Variants in ARHGEF12 observed in about 807,000 individuals in gnomAD.
ARHGEF12 encodes the protein KMT2A/ARHGEF12 fusion protein.
In ARHGEF12, 66 loss-of-function variants were observed where a neutral mutation model predicts 211.2. That is an observed-to-expected ratio of 0.31 (90% CI 0.26 to 0.38). ARHGEF12 has a LOEUF of 0.38. ARHGEF12 is among the 10% of genes least tolerant of loss of function. ARHGEF12 has a pLI of 1.00. For missense variants in ARHGEF12, 1,429 were observed against 1,869.5 expected (o/e 0.76, Z 4.34); for synonymous variants, 592 against 638.4 (o/e 0.93, Z 1.09).
In ARHGEF12 at chr11:120,453,189, C is replaced by T. The variant is rs1185897127; in HGVS notation, c.2056+1465C>T. Among the ~76,000 whole-genome samples, 3 of 151,968 alleles carry T rather than the reference C, an allele frequency of 2.0e-5. No individual in the cohort carries two copies. The East Asian group carries it at 5.8e-4, about 29-fold the overall frequency. On this transcript the variant is annotated intron_variant, in intron 22 of 40. Transcript: ENST00000397843. ...GGAATAGGCAGGTTTCTACATAAGG[C>T]CAAGAAGTACAAGTGACATTTGGAG...
intron 1 of ARHGEF12, among the ~76,000 whole-genome samples, chr11:120,379,215 A>T (rs1198118173): frequency 2.0e-5 from 3 of 152,162 alleles, no homozygotes; most frequent in Admixed American, 6.5e-5. Context: ...ATTTAAAATT[A>T]ATTTTTAATT....
intron 1 of ARHGEF12, among the ~76,000 whole-genome samples, chr11:120,347,136 C>CTTTCTTTCT (rs1942760405): frequency 1.4e-5 from 1 of 69,184 alleles, no homozygotes; most frequent in Non-Finnish European, 3.0e-5. Context: ...TCTTTCTTTC[C>CTTTCTTTCT]TTCCTTCCTT....
In ARHGEF12 at chr11:120,489,815, A is replaced by G. The variant is rs1947486697; in HGVS notation, c.*4738A>G. ...TTTACAAACATATATCTATATCTAT[A>G]TATATAGATACAGATACAGATACAT... On this transcript the variant is annotated 3_prime_UTR_variant, in exon 41 of 41. Transcript: ENST00000397843. 5.3e-6 allele frequency: 1 copy of G among 187,412 alleles called. No individual in the cohort carries two copies. The highest frequency in any genetic ancestry group is 6.2e-5 in the Admixed American group (1 of 16,106). 11.6% of individuals were successfully genotyped at this position (187,412 alleles called of 1,614,324 possible). A position where few individuals can be genotyped will look rare whatever the true frequency, so the allele number is the denominator to read the frequency against.
chr11:120,466,713 G>A (rs1946715350), intron 28 of ARHGEF12, among the ~76,000 whole-genome samples: 1 of 152,176 alleles, frequency 6.6e-6, no homozygotes, highest in African/African-American at 2.4e-5. Flanking sequence ...TATATGGCCT[G>A]CAAAGCCTAA....
Position 120,480,187 on chromosome 11 carries a change from A to G in ARHGEF12, c.3994A>G (p.Thr1332Ala). 6.2e-7 allele frequency: 1 copy of G among 1,614,240 alleles called. No homozygotes were observed. The highest frequency in any genetic ancestry group is 1.1e-5 in the South Asian group (1 of 91,080). The change falls in exon 38 of 41, where the codon ACT becomes GCT. Residue 1332 changes from threonine to alanine, a missense_variant. Around this residue, in one of 7 missense-constraint regions of ARHGEF12, gnomAD observed 467 missense variants for 468.4 expected, o/e 1.00. Coordinates refer to ENST00000397843, the MANE Select transcript of ARHGEF12 (RefSeq NM_015313.3). ...AACTTGTTACAGTCCACGGACTTCAACTGAATCTTTTGCTCCACGGGATTC... is the reference window on the plus strand; with the variant it reads ...AACTTGTTACAGTCCACGGACTTCAGCTGAATCTTTTGCTCCACGGGATTC... Reference protein sequence around the residue: ...IATCYSPRTSTESFAPRDSVG... With the variant: ...IATCYSPRTSAESFAPRDSVG...
chr11:120,417,170 C>A (rs564173198), intron 4 of ARHGEF12, among the ~76,000 whole-genome samples: 10 of 151,994 alleles, frequency 6.6e-5, no homozygotes, highest in African/African-American at 1.4e-4. Flanking sequence ...CTCCAAATAC[C>A]CGTTTCCCTC....
At chr11:120,374,453 G>T (rs1050430802) in intron 1 of ARHGEF12, among the ~76,000 whole-genome samples, 10 of 152,180 alleles carry the variant, frequency 6.6e-5, no homozygotes, top group Non-Finnish European at 1.5e-4. Flanking sequence ...GGCTAAATAT[G>T]TGTGTGAACA....
At chr11:120,479,311 G>C (rs1035860999) in intron 37 of ARHGEF12, among the ~76,000 whole-genome samples, 5 of 152,174 alleles carry the variant, frequency 3.3e-5, no homozygotes, top group African/African-American at 9.7e-5. Flanking sequence ...GATGAGAGCA[G>C]AGAATTGGTT....
At chr11:120,471,192 G>A (rs559013305) in intron 30 of ARHGEF12, among the ~76,000 whole-genome samples, 37 of 152,218 alleles carry the variant, frequency 2.4e-4, no homozygotes, top group South Asian at 1.9e-3. Flanking sequence ...TCATAATAGC[G>A]AAAAGCTAGA....
intron 1 of ARHGEF12, among the ~76,000 whole-genome samples, chr11:120,401,388 G>C (rs1327654509): frequency 2.0e-5 from 3 of 152,254 alleles, no homozygotes; most frequent in African/African-American, 7.2e-5. Flanking sequence ...ATACTTAAGA[G>C]CTCTTATGTA....
At chr11:120,429,617 A>T (rs1249329940) in intron 9 of ARHGEF12, 95 bp from the exon 10 acceptor site, 1 of 1,557,984 alleles carries the variant, frequency 6.4e-7, no homozygotes, top group African/African-American at 1.4e-5. Flanking sequence ...CATTGTAACC[A>T]ATGCCATTAG....
chr11:120,406,927 A>G (rs1013840511), intron 2 of ARHGEF12, among the ~76,000 whole-genome samples: 2 of 152,196 alleles, frequency 1.3e-5, no homozygotes, highest in Non-Finnish European at 2.9e-5. Flanking sequence ...GCCTATATCC[A>G]TGTCTATATA....
intron 33 of ARHGEF12, 94 bp from the exon 34 acceptor site, chr11:120,476,567 A>G (rs1947038394): frequency 1.4e-6 from 1 of 734,522 alleles, no homozygotes; most frequent in Non-Finnish European, 2.2e-6. Context: ...ACCTTTATCT[A>G]GTTTAAGGGG....
chr11:120,455,185 A>T (rs926574739), intron 22 of ARHGEF12, among the ~76,000 whole-genome samples: 2 of 152,228 alleles, frequency 1.3e-5, no homozygotes, highest in African/African-American at 4.8e-5. Flanking sequence ...AGCTGAGGAC[A>T]TGGAGAAGAG....
intron 20 of ARHGEF12, 76 bp from the exon 21 acceptor site, chr11:120,449,033 T>G: frequency 8.3e-7 from 1 of 1,200,928 alleles, no homozygotes; most frequent in South Asian, 1.4e-5. Context: ...GAACTAACCA[T>G]TAGCATTACA....
chr11:120,421,858 G>A lies in ARHGEF12; in HGVS notation c.348+6G>A, dbSNP rs753146119. The A allele has an allele frequency of 6.8e-6, 11 of 1,609,082 alleles. No homozygotes were observed. The South Asian group carries it at 1.0e-4, about 15-fold the overall frequency. Reference sequence around the variant, plus strand: ...CAGGTGATCGAATCATCAAGGTAAGGAATAGGCTATTATAGAATTTACGGT... The same window carrying A: ...CAGGTGATCGAATCATCAAGGTAAGAAATAGGCTATTATAGAATTTACGGT... On this transcript the variant is annotated splice_donor_region_variant and intron_variant, in intron 6 of 40. Transcript: ENST00000397843.
chr11:120,406,614 A>G (rs1487708493), intron 2 of ARHGEF12, among the ~76,000 whole-genome samples: 2 of 152,078 alleles, frequency 1.3e-5, no homozygotes, highest in Admixed American at 1.3e-4. Context: ...CCTGGAGTGC[A>G]GTGGCGCGAT....
At chr11:120,420,622 A>G (rs1040133816) in intron 4 of ARHGEF12, 131 bp from the exon 5 acceptor site, 3 of 678,662 alleles carry the variant, frequency 4.4e-6, no homozygotes, top group African/African-American at 1.8e-5. Flanking sequence ...TTCTTATTTT[A>G]CCATGTGGAT....
At position 120,446,450 on chromosome 11, in the gene ARHGEF12, A is replaced by G. The variant is rs1241459640; in HGVS notation, c.1393A>G (p.Ile465Val). ...TCCTGAGGATCTGCATCGCCACTAT[A>G]TCCAAACTATGCAAGAAAGAGTCCA... ...LIPEDLHRHY[I>V]QTMQERVHPE... is the part of the protein sequence containing the mutation. The change falls in exon 17 of 41, where the codon ATC (isoleucine) becomes GTC (valine). Residue 465 changes from isoleucine (I) to valine (V), a missense_variant. Coordinates refer to ENST00000397843, the MANE Select transcript of ARHGEF12 (RefSeq NM_015313.3). 1 of 1,613,484 alleles carries G rather than the reference A, an allele frequency of 6.2e-7. No homozygotes were observed. Among genetic ancestry groups the G allele is most frequent in the South Asian group, 1.1e-5 (1 of 90,954 alleles).
Sources: allele counts gnomAD v4.1 joint callset (sites outside exome capture counted in the v4.1 genomes callset), GRCh38; gene constraint gnomAD v4.1.1; regional missense constraint gnomAD v4.1.1; transcripts MANE v1.5; gene names NCBI Gene and HGNC (gene_info 2026-07-23, HGNC 2026-07-21).